Variants in LUZP2 observed in about 807,000 individuals in gnomAD.
LUZP2 encodes the protein leucine zipper protein 2.
A neutral mutation model predicts 51.6 loss-of-function variants in LUZP2; 52 were observed. The ratio of observed to expected loss-of-function variants is 1.01; its 90% CI spans 0.81 to 1.27. LUZP2 has a LOEUF of 1.27. LUZP2 is among the 50% of genes most tolerant of loss of function. The probability of loss-of-function intolerance (pLI) is 0.00; values close to 1 mark genes in which losing one functional copy is unlikely to be tolerated. For missense variants in LUZP2, 436 were observed against 395.4 expected (o/e 1.10, Z -0.87); for synonymous variants, 154 against 137.3 (o/e 1.12, Z -0.85).
chr11:24,777,912 A>C (rs1027088946), intron 5 of LUZP2, among the ~76,000 whole-genome samples: 3 of 107,794 alleles, frequency 2.8e-5, no homozygotes, highest in Non-Finnish European at 6.7e-5. Context: ...TTAAAGTTAC[A>C]AGAAAAAAGT....
In LUZP2 at chr11:24,780,952, A is replaced by T. The variant is rs375945538; in HGVS notation, c.396+17644A>T. 1.2e-4 allele frequency among the ~76,000 whole-genome samples: 19 copies of T among 152,260 alleles called. No individual in the cohort carries two copies. In the South Asian group the frequency reaches 3.9e-3, roughly 32 times the overall value. Reference sequence around the variant, plus strand: ...TTCAGCATCCTCATTCACAGTTTTTATGTGAAGAAATAGAGGGAAAGAGAA... The same window carrying T: ...TTCAGCATCCTCATTCACAGTTTTTTTGTGAAGAAATAGAGGGAAAGAGAA... On this transcript the variant is annotated intron_variant, in intron 5 of 11. Transcript: ENST00000336930.
intron 10 of LUZP2, among the ~76,000 whole-genome samples, chr11:25,075,871 A>G (rs899132823): frequency 6.6e-6 from 1 of 152,164 alleles, no homozygotes; most frequent in African/African-American, 2.4e-5. Context: ...CTTTTTATTT[A>G]TCTTCCACTC....
chr11:24,967,098 A>G (rs1209226301), intron 7 of LUZP2, among the ~76,000 whole-genome samples: 1 of 151,752 alleles, frequency 6.6e-6, no homozygotes, highest in Non-Finnish European at 1.5e-5. Context: ...GCTTATGCCA[A>G]CAACACACTG....
chr11:25,031,536 T>C (rs938227847), intron 9 of LUZP2, among the ~76,000 whole-genome samples: 2 of 152,166 alleles, frequency 1.3e-5, no homozygotes, highest in African/African-American at 4.8e-5. Context: ...GCTTGAAAGA[T>C]GTGTATTATA....
At chr11:25,027,111 A>G (rs1170414437) in intron 9 of LUZP2, among the ~76,000 whole-genome samples, 1 of 152,106 alleles carries the variant, frequency 6.6e-6, no homozygotes, top group Admixed American at 6.5e-5. Context: ...ACCATTGTAT[A>G]CAAGCAATAT....
intron 3 of LUZP2, among the ~76,000 whole-genome samples, chr11:24,735,034 TC>T (rs1858879940): frequency 6.6e-6 from 1 of 151,952 alleles, no homozygotes; most frequent in East Asian, 1.9e-4. Context: ...AATTAGTGTC[TC>T]CCTTTGGAAC....
chr11:24,691,478 T>TC (rs1261138307), intron 1 of LUZP2, among the ~76,000 whole-genome samples: 2 of 148,918 alleles, frequency 1.3e-5, no homozygotes, highest in Non-Finnish European at 3.0e-5. Flanking sequence ...CATATTCTGT[T>TC]TTTTTTTTTT....
At chr11:24,527,356 G>A (rs890950164) in intron 1 of LUZP2, among the ~76,000 whole-genome samples, 6 of 149,446 alleles carry the variant, frequency 4.0e-5, no homozygotes, top group African/African-American at 1.5e-4. Flanking sequence ...CACTGATTTT[G>A]TTTGTTATGG....
At chr11:24,883,695 A>C (rs75696745) in intron 5 of LUZP2, among the ~76,000 whole-genome samples, 3,432 of 152,128 alleles carry the variant, frequency 0.023, 129 homozygotes, top group African/African-American at 0.079. Flanking sequence ...TTCAGTCATT[A>C]GGTATGTTTT....
chr11:24,531,473 A>C (rs1850997579), intron 1 of LUZP2, among the ~76,000 whole-genome samples: 1 of 150,882 alleles, frequency 6.6e-6, no homozygotes, highest in African/African-American at 2.4e-5. Context: ...GAAAGTATAA[A>C]TAAATTGTTG....
At chr11:24,637,356 T>C (rs966594721) in intron 1 of LUZP2, among the ~76,000 whole-genome samples, 1 of 151,886 alleles carries the variant, frequency 6.6e-6, no homozygotes, top group African/African-American at 2.4e-5. Context: ...GACCCTGTGA[T>C]GATTGAGTTA....
chr11:24,784,163 A>C (rs1849172919), intron 5 of LUZP2, among the ~76,000 whole-genome samples: 2 of 151,928 alleles, frequency 1.3e-5, no homozygotes, highest in South Asian at 4.1e-4. Flanking sequence ...TCCTTTTTTC[A>C]GTAATGTCAG....
rs1321142291 is a variant in LUZP2 at position 25,030,928 on chromosome 11, A to T, written c.766-19110A>T. Among the ~76,000 whole-genome samples the T allele has an allele frequency of 3.5e-3, 20 of 5,782 alleles. 2 individuals are homozygous for T. Among genetic ancestry groups the T allele is most frequent in the Admixed American group, 0.015 (4 of 262 alleles). 3.8% of individuals were successfully genotyped at this position (5,782 alleles called of 152,430 possible). On this transcript the variant is annotated intron_variant, in intron 9 of 11. Coordinates refer to ENST00000336930, the MANE Select transcript of LUZP2 (RefSeq NM_001009909.4). ...ATAATATATATTGTATTATATATAT[A>T]TAATATATATTATATATATTATATA...
At chr11:24,994,520 A>G (rs1856441803) in intron 9 of LUZP2, among the ~76,000 whole-genome samples, 2 of 152,156 alleles carry the variant, frequency 1.3e-5, no homozygotes, top group African/African-American at 4.8e-5. Flanking sequence ...TGCAGTGACT[A>G]TGGTAGATTT....
At chr11:24,619,061 CT>C (rs35090477) in intron 1 of LUZP2, among the ~76,000 whole-genome samples, 1 of 151,274 alleles carries the variant, frequency 6.6e-6, no homozygotes, top group African/African-American at 2.4e-5. Context: ...ATAGGTCTTG[CT>C]TTTTTACCCA....
At chr11:24,759,315 T>C (rs887912400) in intron 4 of LUZP2, among the ~76,000 whole-genome samples, 1 of 152,158 alleles carries the variant, frequency 6.6e-6, no homozygotes, top group Non-Finnish European at 1.5e-5. Flanking sequence ...GTATTTTCTG[T>C]TTCTGAGAAT....
chr11:24,937,693 A>G (rs973114717), intron 7 of LUZP2, among the ~76,000 whole-genome samples: 1 of 151,928 alleles, frequency 6.6e-6, no homozygotes, highest in Non-Finnish European at 1.5e-5. Context: ...TGAGGTCAGG[A>G]GATCAAGACC....
chr11:24,510,970 T>G (rs1850292085), intron 1 of LUZP2, among the ~76,000 whole-genome samples: 1 of 152,098 alleles, frequency 6.6e-6, no homozygotes, highest in Non-Finnish European at 1.5e-5. Context: ...TCCTTCTAAA[T>G]AGCAGCATGG....
chr11:24,929,099 T>G (rs1413951256), intron 7 of LUZP2, among the ~76,000 whole-genome samples: 1 of 152,020 alleles, frequency 6.6e-6, no homozygotes, highest in Non-Finnish European at 1.5e-5. Context: ...TCATTTCTGA[T>G]TAAGCTTATT....
Sources: allele counts gnomAD v4.1 joint callset (sites outside exome capture counted in the v4.1 genomes callset), GRCh38; gene constraint gnomAD v4.1.1; transcripts MANE v1.5; gene names NCBI Gene and HGNC (gene_info 2026-07-23, HGNC 2026-07-21).